The following PTPRT variants were observed in gnomAD, a reference collection of about 807,000 sequenced individuals.
PTPRT encodes receptor-type tyrosine-protein phosphatase T.
PTPRT carries 56 observed loss-of-function variants against 176.8 expected under a neutral mutation model. The observed-to-expected ratio is 0.32, with a 90% CI of 0.26 to 0.40. The LOEUF (loss-of-function observed/expected upper bound fraction) is 0.40, where lower values mean the gene tolerates loss of function less well. PTPRT is among the 10% of genes least tolerant of loss of function. PTPRT has a pLI of 1.00. For synonymous variants in PTPRT, 783 were observed against 739.0 expected (o/e 1.06, Z -0.96); for missense variants, 1,540 against 1,908.2 (o/e 0.81, Z 3.60).
intron 29 of PTPRT, among the ~76,000 whole-genome samples, chr20:42,083,898 C>G (rs1983609457): frequency 6.6e-6 from 1 of 152,198 alleles, no homozygotes; most frequent in Non-Finnish European, 1.5e-5. Context: ...GTAGAATCCT[C>G]TGTGGTCACT....
At position 42,885,826 on chromosome 20, in the gene PTPRT, C is replaced by A. The variant is rs1466668122; in HGVS notation, c.195G>T (p.Leu65=). 8 of 1,608,504 alleles carry A rather than the reference C, an allele frequency of 5.0e-6. No homozygotes were observed. Among genetic ancestry groups the A allele is most frequent in the Non-Finnish European group, 6.8e-6 (8 of 1,176,438 alleles). Reference sequence around the variant, plus strand: ...ACATACCTGTGGGCACTGCCTGGTCCAGCATTGGTTTCTCCCATGTGTTAA... The same window carrying A: ...ACATACCTGTGGGCACTGCCTGGTCAAGCATTGGTTTCTCCCATGTGTTAA... ...EQINTWEKPM[L]DQAVPTGSFM... The change falls in exon 2 of 31, where the codon CTG becomes CTT. Residue 65 remains leucine (L), a synonymous_variant. Coordinates refer to ENST00000373187, the MANE Select transcript of PTPRT (RefSeq NM_007050.6).
intron 7 of PTPRT, among the ~76,000 whole-genome samples, chr20:42,500,253 T>G (rs1037925948): frequency 6.6e-6 from 1 of 152,072 alleles, no homozygotes; most frequent in Non-Finnish European, 1.5e-5. Context: ...AACTTCACCC[T>G]TGTATAACCA....
rs1021491886 is a variant in PTPRT, at chr20:42,102,623, G to C, written c.3541-326C>G. Among the ~76,000 whole-genome samples, 30 of 152,162 alleles carry C rather than the reference G, an allele frequency of 2.0e-4. 1 individual carries two copies. Among genetic ancestry groups the C allele is most frequent in the Non-Finnish European group, 2.9e-5 (2 of 68,012 alleles). On this transcript the variant is annotated intron_variant, in intron 25 of 30. Coordinates refer to ENST00000373187, the MANE Select transcript of PTPRT (RefSeq NM_007050.6). ...CAGCTCAGCCAGTGCTGCTTTAAAGGGTGGGCCAGCCAGGAGGGCATACAG... is the reference window on the plus strand; with the variant it reads ...CAGCTCAGCCAGTGCTGCTTTAAAGCGTGGGCCAGCCAGGAGGGCATACAG...
In PTPRT at chr20:42,081,947, T is replaced by C; in HGVS notation, c.4207A>G (p.Ile1403Val). Residue 1403 changes from isoleucine (I) to valine (V), a missense_variant, in exon 30 of 31, where the codon ATC becomes GTC. Ile to Val is a conservative substitution (Grantham distance 29). This residue lies in a region of PTPRT where 342 missense variants were observed against 394.0 expected (regional missense o/e 0.87). Coordinates refer to ENST00000373187, the MANE Select transcript of PTPRT (RefSeq NM_007050.6). ...TTCACGATGTGGAACACGTCAATGA[T>C]GTTTTGCTGCTGGATCATCTCACAC... ...SVCEMIQQQN[I>V]IDVFHIVKTL... 1 of 1,614,222 alleles carries C rather than the reference T, an allele frequency of 6.2e-7. No individual in the cohort carries two copies. Among genetic ancestry groups the C allele is most frequent in the Non-Finnish European group, 8.5e-7 (1 of 1,180,036 alleles).
chr20:42,781,317 C>T (rs923367328), intron 3 of PTPRT, among the ~76,000 whole-genome samples: 1 of 152,158 alleles, frequency 6.6e-6, no homozygotes, highest in African/African-American at 2.4e-5. Flanking sequence ...CCTTACACAA[C>T]TGCCGCCCTT....
intron 1 of PTPRT, chr20:42,966,272 C>T (rs1304649386): frequency 1.3e-5 from 2 of 152,160 alleles, no homozygotes; most frequent in Admixed American, 1.3e-4. Context: ...GGTATTATAC[C>T]ATTTTTATTT....
chr20:42,379,177 C>A (rs1249779198), intron 9 of PTPRT, among the ~76,000 whole-genome samples: 3 of 152,240 alleles, frequency 2.0e-5, no homozygotes, highest in Non-Finnish European at 4.4e-5. Flanking sequence ...CAAAGTGCCT[C>A]TGTGCCTTGG....
intron 7 of PTPRT, among the ~76,000 whole-genome samples, chr20:42,579,852 T>C (rs2073338482): frequency 6.6e-6 from 1 of 152,194 alleles, no homozygotes; most frequent in Admixed American, 6.5e-5. Context: ...ATTCTGTAGG[T>C]TGCCTGTTCA....
intron 7 of PTPRT, among the ~76,000 whole-genome samples, chr20:42,538,997 A>G (rs925637353): frequency 3.3e-5 from 5 of 152,172 alleles, no homozygotes; most frequent in African/African-American, 1.2e-4. Flanking sequence ...GGTATTTCAC[A>G]TTGATTTATG....
chr20:42,066,768 C>A, the PTPRT span, among the ~76,000 whole-genome samples: 1 of 152,092 alleles, frequency 6.6e-6, no homozygotes, highest in Non-Finnish European at 1.5e-5. Flanking sequence ...TTGATGATAT[C>A]CTTTTATAAT....
At chr20:42,212,994 C>G (rs1180729907) in intron 15 of PTPRT, among the ~76,000 whole-genome samples, 1 of 152,074 alleles carries the variant, frequency 6.6e-6, no homozygotes, top group East Asian at 1.9e-4. Context: ...TGGGGTGCAG[C>G]CTGGGCATCT....
intron 7 of PTPRT, among the ~76,000 whole-genome samples, chr20:42,614,501 G>A (rs2867487): frequency 0.21 from 31,907 of 151,920 alleles, 4,561 homozygotes; most frequent in African/African-American, 0.41. Context: ...AAGTGATAGC[G>A]TGGGTTCCAG....
At chr20:42,199,512 A>G in intron 15 of PTPRT, 124 bp from the exon 16 acceptor site, 1 of 1,153,516 alleles carries the variant, frequency 8.7e-7, no homozygotes, top group Non-Finnish European at 1.2e-6. Flanking sequence ...TTCTCCAGAA[A>G]AAGAATCAAG....
At chr20:42,489,487 C>T (rs970273233) in intron 7 of PTPRT, among the ~76,000 whole-genome samples, 14 of 150,668 alleles carry the variant, frequency 9.3e-5, no homozygotes, top group African/African-American at 7.4e-5. Flanking sequence ...GTTCCTCGAG[C>T]ATACCTAGCC....
intron 13 of PTPRT, among the ~76,000 whole-genome samples, chr20:42,261,357 C>T (rs2146964465): frequency 1.3e-5 from 2 of 150,122 alleles, no homozygotes; most frequent in South Asian, 4.2e-4. Context: ...GATTAGTGTC[C>T]ACCCTTCTGA....
At chr20:43,181,125 C>T (rs368276281) in intron 1 of PTPRT, among the ~76,000 whole-genome samples, 10 of 152,244 alleles carry the variant, frequency 6.6e-5, no homozygotes, top group Non-Finnish European at 1.2e-4. Context: ...TCATGAGAGA[C>T]GGAGGTCCTC....
In PTPRT at chr20:42,607,006, T is replaced by C. The variant is rs557332784; in HGVS notation, c.1153+70860A>G. ...TGTGGCACATACATAGAATAAAATA[T>C]TATTTAGCCTTAAAAAGGAAGGAAA... On this transcript the variant is annotated intron_variant, in intron 7 of 30. Transcript: ENST00000373187. 82 of 152,330 alleles carry C rather than the reference T, an allele frequency of 5.4e-4. 1 individual carries two copies. The highest frequency in any genetic ancestry group is 1.8e-3 in the African/African-American group (76 of 41,574). 9.4% of individuals were successfully genotyped at this position (152,330 alleles called of 1,614,324 possible).
chr20:42,763,262 G>T (rs1250015098), intron 5 of PTPRT, among the ~76,000 whole-genome samples: 1 of 152,136 alleles, frequency 6.6e-6, no homozygotes, highest in Admixed American at 6.5e-5. Context: ...CTACAAAAAT[G>T]GCTGTCATTA....
Position 42,617,922 on chromosome 20 carries a change from T to C in PTPRT, c.1153+59944A>G, listed in dbSNP as rs1381983661. Among the ~76,000 whole-genome samples, 3 of 138,564 alleles carry C rather than the reference T, an allele frequency of 2.2e-5. 1 individual carries two copies. Among genetic ancestry groups the C allele is most frequent in the Non-Finnish European group, 4.6e-5 (3 of 65,836 alleles). 90.9% of individuals were successfully genotyped at this position (138,564 alleles called of 152,430 possible). On this transcript the variant is annotated intron_variant, in intron 7 of 30. Transcript: ENST00000373187. ...GATTCATTGATTTTTTGAAGGGTTT[T>C]TTGTATCTCTATTTCCTTCAGTTCT...
Sources: gnomAD v4.1 joint callset for allele counts (sites outside exome capture counted in the v4.1 genomes callset) on GRCh38, gnomAD v4.1.1 for gene constraint, gnomAD v4.1.1 regional missense constraint, MANE v1.5 for transcripts, NCBI Gene and HGNC (gene_info 2026-07-23, HGNC 2026-07-21) for gene names.